P2RX7: variants seen among roughly 807,000 people sequenced by gnomAD.
The protein encoded by P2RX7 is purinergic receptor P2X 7, also known as P2X purinoceptor 7.
In P2RX7, 62 loss-of-function variants were observed where a neutral mutation model predicts 71.6. The ratio of observed to expected loss-of-function variants is 0.87; its 90% CI spans 0.71 to 1.07. The LOEUF is 1.07. P2RX7 is among the 50% of genes least tolerant of loss of function. The pLI, the probability that P2RX7 is intolerant of heterozygous loss-of-function variation, is 0.00. For synonymous variants in P2RX7, 299 were observed against 283.3 expected (o/e 1.06, Z -0.56); for missense variants, 686 against 748.5 (o/e 0.92, Z 0.97).
At chr12:121,136,230 C>T (rs1873623164) in intron 1 of P2RX7, among the ~76,000 whole-genome samples, 1 of 150,548 alleles carries the variant, frequency 6.6e-6, no homozygotes, top group Non-Finnish European at 1.5e-5. Context: ...AGTAAATGCC[C>T]CCTTCTGCAT....
chr12:121,175,561 G>A (rs1276386071), intron 9 of P2RX7, 83 bp downstream of exon 9: 4 of 744,610 alleles, frequency 5.4e-6, no homozygotes, highest in East Asian at 2.5e-5. Context: ...TGGAGGGAAG[G>A]GTTTTGGTCT....
intron 12 of P2RX7, 95 bp from the exon 13 acceptor site, chr12:121,184,210 T>C (rs951223353): frequency 7.2e-6 from 10 of 1,393,312 alleles, no homozygotes; most frequent in African/African-American, 1.5e-5. Flanking sequence ...ATAAATCATG[T>C]AATATTAAAC....
chr12:121,135,214 C>G (rs1356290750), intron 1 of P2RX7, among the ~76,000 whole-genome samples: 1 of 151,980 alleles, frequency 6.6e-6, no homozygotes, highest in Non-Finnish European at 1.5e-5. Context: ...TGGTGCACAC[C>G]TGTAATCCCA....
At chr12:121,143,745 G>A (rs200214620) in intron 1 of P2RX7, among the ~76,000 whole-genome samples, 2 of 151,878 alleles carry the variant, frequency 1.3e-5, no homozygotes, top group Non-Finnish European at 2.9e-5. Flanking sequence ...CCAGCTACTC[G>A]GGAGGCTGAG....
chr12:121,187,363 A>G lies in P2RX7; in HGVS notation c.*2561A>G, dbSNP rs994225004. ...ACTCAGGAACCAAGTTAATTATGCCAGATTGAACTTTGATTTTTACTACCT... is the reference window on the plus strand; with the variant it reads ...ACTCAGGAACCAAGTTAATTATGCCGGATTGAACTTTGATTTTTACTACCT... On this transcript the variant is annotated 3_prime_UTR_variant, in exon 13 of 13. Transcript: ENST00000328963. 1 of 152,232 alleles carries G rather than the reference A, an allele frequency of 6.6e-6. No individual in the cohort carries two copies. Among genetic ancestry groups the G allele is most frequent in the Non-Finnish European group, 1.5e-5 (1 of 68,038 alleles). 9.4% of individuals were successfully genotyped at this position (152,232 alleles called of 1,614,324 possible). A position where few individuals can be genotyped will look rare whatever the true frequency, so the allele number is the denominator to read the frequency against.
chr12:121,151,411 A>G (rs771400460), intron 1 of P2RX7, among the ~76,000 whole-genome samples: 8 of 151,752 alleles, frequency 5.3e-5, no homozygotes, highest in Non-Finnish European at 1.0e-4. Flanking sequence ...TAATTTTTGT[A>G]TTTTTAGTAG....
At chr12:121,181,187 G>C (rs1408896017) in intron 12 of P2RX7, among the ~76,000 whole-genome samples, 1 of 152,166 alleles carries the variant, frequency 6.6e-6, no homozygotes, top group Non-Finnish European at 1.5e-5. Context: ...ACGCGGTTGA[G>C]TGTCTGGCTT....
chr12:121,153,847 C>G (rs1878004420), intron 1 of P2RX7, among the ~76,000 whole-genome samples: 2 of 151,932 alleles, frequency 1.3e-5, no homozygotes, highest in South Asian at 4.2e-4. Flanking sequence ...GTGTGGTGGC[C>G]CACACCTGTA....
chr12:121,156,471 C>T (rs931495477), intron 3 of P2RX7, among the ~76,000 whole-genome samples: 9 of 152,110 alleles, frequency 5.9e-5, no homozygotes, highest in Admixed American at 5.9e-4. Context: ...GGCATTTGCA[C>T]AACATTTCAC....
chr12:121,163,987 C>T (rs1188360191), intron 5 of P2RX7, among the ~76,000 whole-genome samples: 2 of 151,560 alleles, frequency 1.3e-5, no homozygotes, highest in East Asian at 1.9e-4. Context: ...TCGCTAATAG[C>T]TCCACTCAGG....
chr12:121,136,079 T>C (rs1272227384), intron 1 of P2RX7, among the ~76,000 whole-genome samples: 1 of 139,794 alleles, frequency 7.2e-6, no homozygotes, highest in African/African-American at 2.6e-5. Context: ...CCATCTCTTA[T>C]ATATTTTTAT....
At chr12:121,175,957 C>T (rs1883043207) in intron 9 of P2RX7, among the ~76,000 whole-genome samples, 1 of 152,120 alleles carries the variant, frequency 6.6e-6, no homozygotes, top group African/African-American at 2.4e-5. Context: ...CCTCCTTGGT[C>T]TTGGCAGCCA....
intron 3 of P2RX7, among the ~76,000 whole-genome samples, chr12:121,158,618 G>A (rs1466788084): frequency 6.6e-6 from 1 of 152,198 alleles, no homozygotes; most frequent in African/African-American, 2.4e-5. Context: ...GCTTCAGAAA[G>A]TAGGGGAAAC....
chr12:121,134,858 G>A (rs934058138), intron 1 of P2RX7, among the ~76,000 whole-genome samples: 2 of 152,094 alleles, frequency 1.3e-5, no homozygotes, highest in African/African-American at 4.8e-5. Flanking sequence ...AGTTTACTAA[G>A]AGTTAGGGTA....
intron 1 of P2RX7, among the ~76,000 whole-genome samples, chr12:121,151,009 T>C (rs757935139): frequency 3.3e-5 from 5 of 152,194 alleles, no homozygotes; most frequent in Non-Finnish European, 7.3e-5. Flanking sequence ...GCATTACTAA[T>C]CCAGTTTTGC....
At chr12:121,142,046 A>G (rs548808573) in intron 1 of P2RX7, among the ~76,000 whole-genome samples, 1 of 152,270 alleles carries the variant, frequency 6.6e-6, no homozygotes, top group South Asian at 2.1e-4. Flanking sequence ...TGACCCATAC[A>G]ATAGGGGATC....
In P2RX7 at chr12:121,177,451, G is replaced by A; in HGVS notation, c.1188+5G>A. ...TCCATTGTGGAGCCAAAGCCGGTGA[G>A]GCCGCTGTGTTCACAGGACACCAAG... On this transcript the variant is annotated splice_donor_5th_base_variant and intron_variant, in intron 11 of 12. Coordinates refer to ENST00000328963, the MANE Select transcript of P2RX7 (RefSeq NM_002562.6). 6.2e-7 allele frequency: 1 copy of A among 1,612,620 alleles called. No homozygotes were observed. The highest frequency in any genetic ancestry group is 1.1e-5 in the South Asian group (1 of 91,014).
At chr12:121,167,732 T>C (rs1881389433) in intron 8 of P2RX7, 108 bp downstream of exon 8, 1 of 982,548 alleles carries the variant, frequency 1.0e-6, no homozygotes, top group Non-Finnish European at 1.4e-6. Flanking sequence ...AAAAAAGACT[T>C]TCTCTAAGAA....
intron 1 of P2RX7, among the ~76,000 whole-genome samples, chr12:121,152,974 A>G (rs1354855654): frequency 6.6e-6 from 1 of 152,244 alleles, no homozygotes; most frequent in Admixed American, 6.5e-5. Flanking sequence ...TCTAGGGCAC[A>G]AATGTAAGAG....
Sources: allele counts gnomAD v4.1 joint callset (sites outside exome capture counted in the v4.1 genomes callset), GRCh38; gene constraint gnomAD v4.1.1; transcripts MANE v1.5; gene names NCBI Gene and HGNC (gene_info 2026-07-23, HGNC 2026-07-21).